The following RYR1 variants were observed in gnomAD, a reference collection of about 807,000 sequenced individuals.
RYR1 encodes ryanodine receptor 1.
RYR1 carries 342 observed loss-of-function variants against 583.5 expected under a neutral mutation model. The ratio of observed to expected loss-of-function variants is 0.59; its 90% CI spans 0.54 to 0.64. RYR1 has a LOEUF of 0.64. Among genes scored for constraint, RYR1 ranks in the 30% least tolerant of loss-of-function variants. The probability of loss-of-function intolerance (pLI) is 0.00; values close to 1 mark genes in which losing one functional copy is unlikely to be tolerated. For missense variants in RYR1, 6,032 were observed against 6,917.2 expected (o/e 0.87, Z 4.54); for synonymous variants, 2,791 against 2,822.5 (o/e 0.99, Z 0.35).
chr19:38,466,741 T>A (rs1968132338), intron 24 of RYR1, among the ~76,000 whole-genome samples: 1 of 152,078 alleles, frequency 6.6e-6, no homozygotes, highest in African/African-American at 2.4e-5. Context: ...GACCTCGTGA[T>A]CCGCCTGCCT....
At chr19:38,476,018 C>CT (rs57005131) in intron 29 of RYR1, among the ~76,000 whole-genome samples, 28,022 of 149,006 alleles carry the variant, frequency 0.19, 3,898 homozygotes, top group African/African-American at 0.39. Flanking sequence ...GCATAGATTC[C>CT]TTTTTTTTTT....
Position 38,475,356 on chromosome 19 carries a change from AGCCACCG to A in RYR1, c.4206_4212del (p.Ala1403ProfsTer32), listed in dbSNP as rs1968665450. 6.2e-7 allele frequency: 1 copy of A among 1,610,078 alleles called. No homozygotes were observed. Among genetic ancestry groups the A allele is most frequent in the South Asian group, 1.1e-5 (1 of 90,410 alleles). ...GCCAAGAAGGTCGCCATGATGACCCAGCCACCGGCCACCCCCACGCTGCCCCGACTCC... is the reference window on the plus strand; with the variant it reads ...GCCAAGAAGGTCGCCATGATGACCCAGCCACCCCCACGCTGCCCCGACTCC... On this transcript the variant is annotated frameshift_variant, in exon 29 of 106. Transcript: ENST00000359596. LOFTEE classifies it high-confidence loss of function.
rs1972632890 is a variant in RYR1 at position 38,440,735 on chromosome 19, G to A, written c.46-10G>A. 7 of 1,604,408 alleles carry A rather than the reference G, an allele frequency of 4.4e-6. No individual in the cohort carries two copies. The highest frequency in any genetic ancestry group is 1.1e-5 in the South Asian group (1 of 90,714). On this transcript the variant is annotated splice_polypyrimidine_tract_variant and intron_variant, in intron 1 of 105. Transcript: ENST00000359596. ...GGCCCCCCTGGAGACGCTGCCCCTC[G>A]GTTCCGCAGGACGATGAGGTGGTCC...
chr19:38,508,180 C>T (rs967651939), intron 58 of RYR1, among the ~76,000 whole-genome samples: 1 of 151,918 alleles, frequency 6.6e-6, no homozygotes, highest in Non-Finnish European at 1.5e-5. Flanking sequence ...TATTTTATTT[C>T]ATTTTATTTT....
chr19:38,529,193 C>A, intron 76 of RYR1, 136 bp downstream of exon 76: 1 of 875,556 alleles, frequency 1.1e-6, no homozygotes. Context: ...TTAAATATCA[C>A]TTTGCTGGTC....
chr19:38,500,322 CAG>C lies in RYR1; in HGVS notation c.7324-283_7324-282del, dbSNP rs1970049659. The stretch of plus-strand genomic sequence containing the variant: ...GGACTCAGGATGGGGATGGGGAACA[CAG>C]GGAGAGGGGTCAGGATGGGGATGGG... On this transcript the variant is annotated intron_variant, in intron 45 of 105. Coordinates refer to ENST00000359596, the MANE Select transcript of RYR1 (RefSeq NM_000540.3). This position sits in a 1 kb window ranked among gnomAD's most constrained non-coding sequence, Gnocchi z 5.9. 7.7e-6 allele frequency among the ~76,000 whole-genome samples: 1 copy of C among 130,020 alleles called. No individual in the cohort carries two copies. Among genetic ancestry groups the C allele is most frequent in the Non-Finnish European group, 1.6e-5 (1 of 62,088 alleles). The allele number at this position is 130,020 out of a possible 152,430, so 85.3% of individuals were successfully genotyped here.
At chr19:38,464,806 T>G in intron 23 of RYR1, 84 bp downstream of exon 23, 2 of 1,258,406 alleles carry the variant, frequency 1.6e-6, no homozygotes, top group Non-Finnish European at 2.3e-6. Context: ...TCGAGGGGTC[T>G]TGTGGGGAGG....
rs1022107798 is a variant in RYR1, at chr19:38,526,873, C to T, written c.10627-120C>T. 2.2e-5 allele frequency: 23 copies of T among 1,045,714 alleles called. 1 individual carries two copies. Among genetic ancestry groups the T allele is most frequent in the Non-Finnish European group, 3.4e-5 (23 of 678,578 alleles). The allele number at this position is 1,045,714 out of a possible 1,614,324, so 64.8% of individuals were successfully genotyped here. On this transcript the variant is annotated intron_variant, in intron 71 of 105. Coordinates refer to ENST00000359596, the MANE Select transcript of RYR1 (RefSeq NM_000540.3). Reference sequence around the variant, plus strand: ...CATCCTTTTGTTTCTCTCAGACCCCCACCCCCACCCCAGAAAAACCTCTTC... The same window carrying T: ...CATCCTTTTGTTTCTCTCAGACCCCTACCCCCACCCCAGAAAAACCTCTTC...
chr19:38,482,385 G>T (rs1163173588), intron 31 of RYR1, among the ~76,000 whole-genome samples: 1 of 152,132 alleles, frequency 6.6e-6, no homozygotes, highest in Non-Finnish European at 1.5e-5. Flanking sequence ...GTTTGTGGAG[G>T]CAGAGGCTGG....
At position 38,527,654 on chromosome 19, in the gene RYR1, G is replaced by T. The variant is rs761545088; in HGVS notation, c.10694G>T (p.Gly3565Val). 2 of 1,613,992 alleles carry T rather than the reference G, an allele frequency of 1.2e-6. No homozygotes were observed. Among genetic ancestry groups the T allele is most frequent in the Non-Finnish European group, 1.7e-6 (2 of 1,180,038 alleles). ...CCTTCTTCCTCCCTTCAGGTCGAAGGCTCCCCGTCTCTGCGCTGGCAGATG... is the reference window on the plus strand; with the variant it reads ...CCTTCTTCCTCCCTTCAGGTCGAAGTCTCCCCGTCTCTGCGCTGGCAGATG... ...NNLHLQGKVE[G>V]SPSLRWQMAL... is the part of the protein sequence containing the mutation. Residue 3565 changes from glycine to valine, a missense_variant, in exon 73 of 106, where the codon GGC (glycine) becomes GTC (valine). Physicochemically the swap from Gly to Val is moderately radical, Grantham distance 109. Transcript: ENST00000359596.
Position 38,511,557 on chromosome 19 carries a change from T to G in RYR1, c.9123-4T>G, listed in dbSNP as rs1346638416. ...CTGCCTTCTGTCCCTTTCTCTTTCT[T>G]CAGCCTCTTCTGCAAACTTGCTGCT... On this transcript the variant is annotated splice_polypyrimidine_tract_variant and splice_region_variant and intron_variant, in intron 60 of 105. Transcript: ENST00000359596. 3 of 1,613,760 alleles carry G rather than the reference T, an allele frequency of 1.9e-6. No individual in the cohort carries two copies. The highest frequency in any genetic ancestry group is 1.7e-5 in the Admixed American group (1 of 59,986).
At chr19:38,458,584 C>A (rs1164935349) in intron 18 of RYR1, among the ~76,000 whole-genome samples, 4 of 151,866 alleles carry the variant, frequency 2.6e-5, no homozygotes, top group Non-Finnish European at 5.9e-5. Flanking sequence ...GACTTCTAAC[C>A]CCAGGAGAAT....
chr19:38,527,010 G>A lies in RYR1; in HGVS notation c.10644G>A (p.Glu3548=), dbSNP rs149417544. ...CTCCCCAGAAAGACACAGATGAGGAGGTCCGGGAATTTCTGCACAACAACC... is the reference window on the plus strand; with the variant it reads ...CTCCCCAGAAAGACACAGATGAGGAAGTCCGGGAATTTCTGCACAACAACC... The part of the protein sequence containing the change: ...TRYALKDTDE[E]VREFLHNNLH... Residue 3548 remains glutamate (E), a synonymous_variant, in exon 72 of 106, where the codon GAG becomes GAA. Coordinates refer to ENST00000359596, the MANE Select transcript of RYR1 (RefSeq NM_000540.3). 120 of 1,614,022 alleles carry A rather than the reference G, an allele frequency of 7.4e-5. No individual in the cohort carries two copies. The African/African-American group carries it at 1.2e-3, about 16-fold the overall frequency.
intron 78 of RYR1, among the ~76,000 whole-genome samples, chr19:38,534,276 G>A (rs190424554): frequency 6.6e-6 from 1 of 152,184 alleles, no homozygotes; most frequent in African/African-American, 2.4e-5. Flanking sequence ...CTCCCAAAGT[G>A]CTGGGATTAC....
At chr19:38,440,268 G>A (rs531819889) in intron 1 of RYR1, among the ~76,000 whole-genome samples, 1 of 152,330 alleles carries the variant, frequency 6.6e-6, no homozygotes, top group South Asian at 2.1e-4. Flanking sequence ...ACTCCAGCCT[G>A]GGTGACACAG....
At chr19:38,457,777 A>G in intron 17 of RYR1, 147 bp downstream of exon 17, 2 of 880,972 alleles carry the variant, frequency 2.3e-6, no homozygotes, top group South Asian at 1.4e-5. Context: ...CTGTGGCCCC[A>G]CTCTCCCTTG....
chr19:38,458,745 C>G (rs1600686551), intron 18 of RYR1, among the ~76,000 whole-genome samples: 1 of 152,322 alleles, frequency 6.6e-6, no homozygotes, highest in Non-Finnish European at 1.5e-5. Context: ...CTGCCTCAGC[C>G]TCCTGAGTAG....
chr19:38,494,219 G>A (rs1252659288), intron 38 of RYR1, 133 bp from the exon 39 acceptor site: 1 of 977,446 alleles, frequency 1.0e-6, no homozygotes, highest in Non-Finnish European at 1.6e-6. Context: ...CTCCCAGCAG[G>A]TGGAGGGCGC....
intron 7 of RYR1, 54 bp from the exon 8 acceptor site, chr19:38,446,418 G>A: frequency 7.3e-7 from 1 of 1,365,340 alleles, no homozygotes; most frequent in Non-Finnish European, 1.0e-6. Context: ...CTTGGCTCCT[G>A]GTCTTCCTGG....
Sources: allele counts gnomAD v4.1 joint callset (sites outside exome capture counted in the v4.1 genomes callset), GRCh38; gene constraint gnomAD v4.1.1; non-coding constraint Gnocchi (gnomAD v3.1); transcripts MANE v1.5; gene names NCBI Gene and HGNC (gene_info 2026-07-23, HGNC 2026-07-21).